The following BCAR3 variants were observed in gnomAD, a reference collection of about 807,000 sequenced individuals.
BCAR3 encodes the protein breast cancer anti-estrogen resistance protein 3.
In BCAR3, 37 loss-of-function variants were observed where a neutral mutation model predicts 80.1. The observed-to-expected ratio is 0.46, with a 90% confidence interval of 0.36 to 0.61. The LOEUF is 0.61. Among genes scored for constraint, BCAR3 ranks in the 20% least tolerant of loss-of-function variants. BCAR3 has a pLI of 0.00. For synonymous variants in BCAR3, 389 were observed against 418.9 expected (o/e 0.93, Z 0.87); for missense variants, 978 against 1,068.2 (o/e 0.92, Z 1.18).
intron 2 of BCAR3, among the ~76,000 whole-genome samples, chr1:93,813,343 T>A (rs1425750062): frequency 6.6e-6 from 1 of 152,176 alleles, no homozygotes; most frequent in African/African-American, 2.4e-5. Context: ...AGCCACACTT[T>A]ACTAAAAAGA....
chr1:93,773,643 A>G (rs1253461020), intron 2 of BCAR3, among the ~76,000 whole-genome samples: 3 of 152,152 alleles, frequency 2.0e-5, no homozygotes, highest in African/African-American at 7.2e-5. Flanking sequence ...GTGCCTATAA[A>G]GTATAGGACT....
chr1:93,842,197 C>T (rs897271581), intron 2 of BCAR3, among the ~76,000 whole-genome samples: 2 of 148,460 alleles, frequency 1.3e-5, no homozygotes, highest in African/African-American at 5.0e-5. Context: ...GTTGCCCAGG[C>T]TGGAGTGCAA....
chr1:93,570,353 C>G (rs984624360), intron 9 of BCAR3, among the ~76,000 whole-genome samples: 1 of 152,140 alleles, frequency 6.6e-6, no homozygotes, highest in South Asian at 2.1e-4. Flanking sequence ...GAGTGACCAG[C>G]GGTTTTGGTG....
intron 7 of BCAR3, among the ~76,000 whole-genome samples, chr1:93,580,884 G>A (rs1673677775): frequency 6.6e-6 from 1 of 152,116 alleles, no homozygotes; most frequent in African/African-American, 2.4e-5. Flanking sequence ...TGATGGGCCG[G>A]GTGCGGTGAC....
intron 2 of BCAR3, among the ~76,000 whole-genome samples, chr1:93,663,145 G>GA (rs1647742653): frequency 1.3e-5 from 2 of 152,028 alleles, no homozygotes; most frequent in Non-Finnish European, 2.9e-5. Flanking sequence ...TTTCTTGATG[G>GA]AAAAAAATGC....
intron 2 of BCAR3, among the ~76,000 whole-genome samples, chr1:93,735,192 C>T (rs1373606625): frequency 6.6e-6 from 1 of 152,188 alleles, no homozygotes; most frequent in East Asian, 1.9e-4. Context: ...CCTCTGGTGC[C>T]CCCTCTGGCC....
At chr1:93,628,611 A>G (rs1675517678) in intron 3 of BCAR3, among the ~76,000 whole-genome samples, 3 of 152,068 alleles carry the variant, frequency 2.0e-5, no homozygotes, top group African/African-American at 7.2e-5. Flanking sequence ...ATTTCCACTC[A>G]AAAGTCACCT....
intron 2 of BCAR3, among the ~76,000 whole-genome samples, chr1:93,835,158 G>A (rs1454164170): frequency 1.3e-5 from 2 of 152,124 alleles, no homozygotes; most frequent in Non-Finnish European, 2.9e-5. Context: ...GATTCTAAAT[G>A]TGCCTTCCAT....
At chr1:93,817,791 C>T (rs1157235011) in intron 2 of BCAR3, among the ~76,000 whole-genome samples, 5 of 149,684 alleles carry the variant, frequency 3.3e-5, no homozygotes, top group African/African-American at 4.8e-5. Context: ...GCCCTGTTTA[C>T]CCCCCCACAT....
chr1:93,624,967 T>C (rs1440259486), intron 3 of BCAR3, among the ~76,000 whole-genome samples: 2 of 152,114 alleles, frequency 1.3e-5, no homozygotes, highest in African/African-American at 4.8e-5. Context: ...TCCCAGCACT[T>C]TGGGAGGCCG....
At chr1:93,650,897 T>G (rs1232108972) in intron 2 of BCAR3, among the ~76,000 whole-genome samples, 1 of 152,186 alleles carries the variant, frequency 6.6e-6, no homozygotes, top group African/African-American at 2.4e-5. Context: ...CAGGATACAG[T>G]TATCATAGAT....
chr1:93,706,780 A>G (rs575070037), intron 2 of BCAR3, among the ~76,000 whole-genome samples: 54 of 152,394 alleles, frequency 3.5e-4, no homozygotes, highest in African/African-American at 1.3e-3. Context: ...AATTACTTAT[A>G]TAAATCTACA....
intron 2 of BCAR3, among the ~76,000 whole-genome samples, chr1:93,647,889 T>C (rs1375551243): frequency 6.6e-6 from 1 of 151,992 alleles, no homozygotes; most frequent in Non-Finnish European, 1.5e-5. Flanking sequence ...TCTCCTGACT[T>C]AGCCTCCTGA....
intron 3 of BCAR3, among the ~76,000 whole-genome samples, chr1:93,702,784 T>A (rs1272077565): frequency 6.6e-6 from 1 of 152,212 alleles, no homozygotes; most frequent in Non-Finnish European, 1.5e-5. Context: ...GAGCTTCAGC[T>A]ACTCCCACAG....
chr1:93,734,670 G>A (rs974696344), intron 2 of BCAR3, among the ~76,000 whole-genome samples: 7 of 152,130 alleles, frequency 4.6e-5, no homozygotes, highest in African/African-American at 1.4e-4. Flanking sequence ...CAGCAACGTC[G>A]GCAAAGCTAT....
In BCAR3 at chr1:93,745,699, C is replaced by A. The variant is rs578103133; in HGVS notation, c.-62-39557G>T. Among the ~76,000 whole-genome samples the A allele has an allele frequency of 5.5e-4, 83 of 152,240 alleles. 1 individual carries two copies. Among genetic ancestry groups the A allele is most frequent in the Non-Finnish European group, 1.0e-3 (68 of 68,008 alleles). On this transcript the variant is annotated intron_variant, in intron 2 of 13. Coordinates refer to the BCAR3 transcript ENST00000370244. The stretch of plus-strand genomic sequence containing the variant: ...GGAGGCAGGGGTAGCAGGCAGGCAA[C>A]CCTATCTACTTGTTCATTAGTTCCC...
chr1:93,846,719 C>A, intron 1 of BCAR3: 1 of 364,446 alleles, frequency 2.7e-6, no homozygotes, highest in Non-Finnish European at 5.4e-6. Context: ...ACCCTCCCGG[C>A]TTCCGCCCAC....
At chr1:93,830,768 C>T (rs1249982917) in intron 2 of BCAR3, among the ~76,000 whole-genome samples, 1 of 152,204 alleles carries the variant, frequency 6.6e-6, no homozygotes, top group African/African-American at 2.4e-5. Context: ...AAACCTGGGA[C>T]AGGAGGACTC....
chr1:93,664,270 C>T (rs1220149546), intron 2 of BCAR3, among the ~76,000 whole-genome samples: 1 of 152,174 alleles, frequency 6.6e-6, no homozygotes, highest in African/African-American at 2.4e-5. Flanking sequence ...CAGACATGCA[C>T]CACCACGCCC....
Sources: gnomAD v4.1 joint callset for allele counts (sites outside exome capture counted in the v4.1 genomes callset) on GRCh38, gnomAD v4.1.1 for gene constraint, MANE v1.5 for transcripts, NCBI Gene and HGNC (gene_info 2026-07-23, HGNC 2026-07-21) for gene names.